The following CMIP variants were observed in gnomAD, a reference collection of about 807,000 sequenced individuals.
CMIP encodes c-Maf inducing protein.
A neutral mutation model predicts 97.3 loss-of-function variants in CMIP; 13 were observed. The ratio of observed to expected loss-of-function variants is 0.13; its 90% confidence interval spans 0.09 to 0.21. The LOEUF (loss-of-function observed/expected upper bound fraction) is 0.21, where lower values mean the gene tolerates loss of function less well. CMIP is among the 10% of genes least tolerant of loss of function. The pLI is 1.00. For missense variants in CMIP, 847 were observed against 1,024.9 expected, an observed-to-expected ratio of 0.83 and a Z score of 2.37; for synonymous variants, 538 against 436.3, an observed-to-expected ratio of 1.23 and a Z score of -2.91.
intron 1 of CMIP, among the ~76,000 whole-genome samples, chr16:81,580,420 CTT>C (rs1264726859): frequency 6.6e-6 from 1 of 151,962 alleles, no homozygotes; most frequent in Non-Finnish European, 1.5e-5. Context: ...TTTTCTTTCT[CTT>C]TTCTTTCTTT....
rs74535823 is a variant in CMIP, at chr16:81,599,478, T to A, written c.301-8089T>A. 2.4e-3 allele frequency among the ~76,000 whole-genome samples: 368 copies of A among 152,332 alleles called. 1 individual carries two copies. The highest frequency in any genetic ancestry group is 8.5e-3 in the African/African-American group (352 of 41,564). Reference sequence around the variant, plus strand: ...TGGAGGCCAAGCTGATCTATAGGTGTCTGAGGACCTGCTGCGTGGGGTAGC... The same window carrying A: ...TGGAGGCCAAGCTGATCTATAGGTGACTGAGGACCTGCTGCGTGGGGTAGC... On this transcript the variant is annotated intron_variant, in intron 1 of 20. Coordinates refer to ENST00000537098, the MANE Select transcript of CMIP (RefSeq NM_198390.3).
At chr16:81,669,530 ACACT>A (rs1327680657) in intron 7 of CMIP, among the ~76,000 whole-genome samples, 15 of 106,946 alleles carry the variant, frequency 1.4e-4, no homozygotes, top group East Asian at 5.6e-4. Flanking sequence ...CCCACCTCTC[ACACT>A]CACCTCCTTC....
intron 2 of CMIP, among the ~76,000 whole-genome samples, chr16:81,609,115 G>T (rs1427731420): frequency 6.6e-6 from 1 of 152,122 alleles, no homozygotes; most frequent in African/African-American, 2.4e-5. Flanking sequence ...TCTTCTTAGT[G>T]AATCTCTCAC....
intron 1 of CMIP, among the ~76,000 whole-genome samples, chr16:81,446,317 G>A (rs1036206558): frequency 6.6e-6 from 1 of 152,088 alleles, no homozygotes; most frequent in African/African-American, 2.4e-5. Context: ...ACATGGGTAG[G>A]ACTGGGTCAG....
intron 1 of CMIP, 33 bp downstream of exon 1, chr16:81,445,574 C>T (rs574144922): frequency 3.9e-5 from 59 of 1,530,752 alleles, no homozygotes; most frequent in Admixed American, 3.8e-4. Flanking sequence ...ACCCCCGCCT[C>T]TCCTCGGGGC....
intron 1 of CMIP, among the ~76,000 whole-genome samples, chr16:81,527,345 G>A (rs1399124402): frequency 2.0e-5 from 3 of 152,002 alleles, no homozygotes; most frequent in Non-Finnish European, 2.9e-5. Context: ...CCTGATGGAC[G>A]GGTAAAGGAA....
chr16:81,630,495 T>C (rs7192273), intron 3 of CMIP: 74,059 of 152,060 alleles, frequency 0.49, 18,412 homozygotes, highest in East Asian at 0.66. Context: ...CGCCCAGGCC[T>C]ATGGGGCGAG....
At chr16:81,590,455 G>T (rs2091449838) in intron 1 of CMIP, among the ~76,000 whole-genome samples, 1 of 152,174 alleles carries the variant, frequency 6.6e-6, no homozygotes, top group African/African-American at 2.4e-5. Flanking sequence ...CTCACTTCTG[G>T]ATCATGTCCA....
Position 81,691,765 on chromosome 16 carries a change from C to G in CMIP, c.1389-10C>G, listed in dbSNP as rs765196870. ...CAACCAAAGCTGACTGTCACCCTCT[C>G]TCATTCTAGGTCAGACTATGATGAC... On this transcript the variant is annotated splice_polypyrimidine_tract_variant and intron_variant, in intron 10 of 20. Transcript: ENST00000537098. 3.7e-6 allele frequency: 6 copies of G among 1,612,870 alleles called. No individual in the cohort carries two copies. The highest frequency in any genetic ancestry group is 1.1e-5 in the South Asian group (1 of 90,974).
chr16:81,539,925 G>A (rs1402262164), intron 1 of CMIP, among the ~76,000 whole-genome samples: 1 of 152,190 alleles, frequency 6.6e-6, no homozygotes, highest in African/African-American at 2.4e-5. Flanking sequence ...TACGTGCTCC[G>A]TGTGTACAAC....
chr16:81,464,946 A>C (rs1341226284), intron 1 of CMIP: 1 of 152,232 alleles, frequency 6.6e-6, no homozygotes, highest in Non-Finnish European at 1.5e-5. Flanking sequence ...CATTTGATTT[A>C]TCCATTCTTC....
chr16:81,662,037 C>T (rs2092552737), intron 6 of CMIP, among the ~76,000 whole-genome samples: 1 of 152,184 alleles, frequency 6.6e-6, no homozygotes, highest in Non-Finnish European at 1.5e-5. Flanking sequence ...ACACAGGCCC[C>T]GGGCTCCTCA....
At chr16:81,597,426 C>G (rs1328177723) in intron 1 of CMIP, among the ~76,000 whole-genome samples, 2 of 152,212 alleles carry the variant, frequency 1.3e-5, no homozygotes, top group African/African-American at 4.8e-5. Context: ...CTTCCCAGCT[C>G]TCTCCTGAAT....
At chr16:81,615,211 A>G (rs1313341737) in intron 2 of CMIP, among the ~76,000 whole-genome samples, 4 of 94,632 alleles carry the variant, frequency 4.2e-5, no homozygotes, top group Non-Finnish European at 8.6e-5. Context: ...ATGTGTAACT[A>G]TGGTGTGTAT....
intron 4 of CMIP, among the ~76,000 whole-genome samples, chr16:81,653,671 A>G (rs1175901122): frequency 6.6e-6 from 1 of 152,200 alleles, no homozygotes; most frequent in Admixed American, 6.5e-5. Context: ...TCTGGAGTGC[A>G]GTGGCGTGAC....
intron 1 of CMIP, among the ~76,000 whole-genome samples, chr16:81,456,864 C>T (rs1257994994): frequency 6.6e-6 from 1 of 152,184 alleles, no homozygotes; most frequent in Non-Finnish European, 1.5e-5. Flanking sequence ...ACCCTGACTG[C>T]ACTGGGGCCC....
chr16:81,593,564 G>C (rs918355646), intron 1 of CMIP, among the ~76,000 whole-genome samples: 2 of 152,240 alleles, frequency 1.3e-5, no homozygotes, highest in Admixed American at 1.3e-4. Flanking sequence ...GGAGTAATCC[G>C]TGGATGATGG....
At chr16:81,516,533 C>T (rs1567554184) in intron 1 of CMIP, among the ~76,000 whole-genome samples, 1 of 152,218 alleles carries the variant, frequency 6.6e-6, no homozygotes, top group Non-Finnish European at 1.5e-5. Flanking sequence ...TTGCTCTTGG[C>T]CAGCCAGCTC....
At chr16:81,528,141 A>G (rs561817014) in intron 1 of CMIP, among the ~76,000 whole-genome samples, 9 of 152,362 alleles carry the variant, frequency 5.9e-5, no homozygotes, top group Non-Finnish European at 7.3e-5. Context: ...ACAGTATTCA[A>G]CTTTTCTTTA....
Sources: allele counts gnomAD v4.1 joint callset (sites outside exome capture counted in the v4.1 genomes callset), GRCh38; gene constraint gnomAD v4.1.1; transcripts MANE v1.5; gene names NCBI Gene and HGNC (gene_info 2026-07-23, HGNC 2026-07-21).